Variants in MYO7B observed in about 807,000 individuals in gnomAD.
MYO7B encodes the protein myosin VIIB, also known as unconventional myosin-VIIb.
MYO7B carries 212 observed loss-of-function variants against 259.7 expected under a neutral mutation model. The ratio of observed to expected loss-of-function variants is 0.82; its 90% CI spans 0.73 to 0.91. The LOEUF is 0.91. Ranked by LOEUF, MYO7B falls within the 40% of genes least tolerant of loss-of-function variation. The probability of loss-of-function intolerance (pLI) is 0.00; values close to 1 mark genes in which losing one functional copy is unlikely to be tolerated. For synonymous variants in MYO7B, 1,197 were observed against 1,166.4 expected, an observed-to-expected ratio of 1.03 and a Z score of -0.54; for missense variants, 2,732 against 2,813.5, an observed-to-expected ratio of 0.97 and a Z score of 0.66.
chr2:127,581,354 C>T (rs1260271001), intron 10 of MYO7B, among the ~76,000 whole-genome samples: 1 of 152,202 alleles, frequency 6.6e-6, no homozygotes, highest in Non-Finnish European at 1.5e-5. Context: ...GCAATGGGGA[C>T]ATGGCAGCAC....
chr2:127,573,855 G>A, intron 6 of MYO7B, 65 bp from the exon 7 acceptor site: 1 of 1,595,176 alleles, frequency 6.3e-7, no homozygotes. Flanking sequence ...CCTCTTACAT[G>A]ATCCCACTCA....
intron 30 of MYO7B, 117 bp downstream of exon 30, chr2:127,624,437 T>A: frequency 4.5e-5 from 37 of 825,230 alleles, no homozygotes; most frequent in Non-Finnish European, 6.8e-5. Flanking sequence ...GGAAAGGGGG[T>A]CACAAGGGTG....
chr2:127,622,730 C>A (rs1680901305), intron 28 of MYO7B, among the ~76,000 whole-genome samples: 1 of 152,174 alleles, frequency 6.6e-6, no homozygotes, highest in South Asian at 2.1e-4. Flanking sequence ...ACAGGGGCTC[C>A]CTCCCACGAG....
chr2:127,624,336 G>T lies in MYO7B; in HGVS notation c.4047+16G>T, dbSNP rs1681000087. On this transcript the variant is annotated intron_variant, in intron 30 of 47. Coordinates refer to ENST00000409816, the MANE Select transcript of MYO7B (RefSeq NM_001393586.1). ...CTTCGAGAAGGTGAGGGGCCTGAGA[G>T]CCAGGTCCACCCTAGGCTTTGCCAT... The T allele has an allele frequency of 6.4e-7, 1 of 1,557,312 alleles. No homozygotes were observed. Among genetic ancestry groups the T allele is most frequent in the African/African-American group, 1.4e-5 (1 of 73,466 alleles).
intron 43 of MYO7B, chr2:127,635,487 C>T (rs1317462403): frequency 1.6e-6 from 1 of 629,270 alleles, no homozygotes; most frequent in African/African-American, 1.8e-5. Flanking sequence ...GGAGCAGTGG[C>T]CGTGGCCTGC....
intron 18 of MYO7B, 48 bp downstream of exon 18, chr2:127,593,692 G>A (rs759096347): frequency 1.9e-6 from 3 of 1,558,464 alleles, no homozygotes; most frequent in Non-Finnish European, 2.7e-6. Flanking sequence ...GCAGCATGTG[G>A]GCTTGTCAGC....
In MYO7B at chr2:127,564,118, G is replaced by A. The variant is rs553559376; in HGVS notation, c.19-35G>A. On this transcript the variant is annotated intron_variant, in intron 2 of 47. Transcript: ENST00000409816. ...TCCAGCAGGGAGGGGAAGAGAGAGC[G>A]GGGATCACACCACTGTCTTCTGTCT... is the stretch of plus-strand genomic sequence containing the variant. The A allele has an allele frequency of 5.5e-5, 77 of 1,400,064 alleles. No homozygotes were observed. The Admixed American group carries it at 6.2e-4, about 11-fold the overall frequency. 86.7% of individuals were successfully genotyped at this position (1,400,064 alleles called of 1,614,324 possible).
chr2:127,564,690 T>C (rs1266467981), intron 3 of MYO7B, among the ~76,000 whole-genome samples: 1 of 152,080 alleles, frequency 6.6e-6, no homozygotes, highest in African/African-American at 2.4e-5. Context: ...GGGCTTACAA[T>C]GGAGTGTCCA....
At chr2:127,605,793 T>C in intron 19 of MYO7B, 51 bp from the exon 20 acceptor site, 1 of 1,560,704 alleles carries the variant, frequency 6.4e-7, no homozygotes, top group Non-Finnish European at 8.8e-7. Flanking sequence ...CCTCAGAAGC[T>C]TTAAACCATC....
chr2:127,595,993 G>A (rs766773464), intron 18 of MYO7B, among the ~76,000 whole-genome samples: 1 of 152,136 alleles, frequency 6.6e-6, no homozygotes, highest in Non-Finnish European at 1.5e-5. Context: ...TTGATCCAGA[G>A]CTGAGTTCTA....
At position 127,586,707 on chromosome 2, in the gene MYO7B, G is replaced by T. The variant is rs1026080351; in HGVS notation, c.1691-1685G>T. ...CTTACATAATGCTAAGATTAAGGTC[G>T]ATTCTTTCTAGACTTTCTGGTTGCA... On this transcript the variant is annotated intron_variant, in intron 14 of 47. Transcript: ENST00000409816. This position sits in a 1 kb window ranked among gnomAD's most constrained non-coding sequence, Gnocchi z 4.8. 6.6e-6 allele frequency among the ~76,000 whole-genome samples: 1 copy of T among 152,164 alleles called. No homozygotes were observed. The highest frequency in any genetic ancestry group is 1.5e-5 in the Non-Finnish European group (1 of 68,018).
chr2:127,570,957 T>C (rs530143969), intron 6 of MYO7B, among the ~76,000 whole-genome samples: 2 of 152,324 alleles, frequency 1.3e-5, no homozygotes, highest in South Asian at 2.1e-4. Flanking sequence ...TAGAATTCCA[T>C]TGCGTGAAGG....
chr2:127,631,860 C>G, intron 38 of MYO7B, 107 bp downstream of exon 38: 3 of 1,393,062 alleles, frequency 2.2e-6, no homozygotes, highest in Non-Finnish European at 1.9e-6. Context: ...GGCGGCAGAA[C>G]CCCTGCCTGG....
Position 127,631,301 on chromosome 2 carries a change from C to T in MYO7B, c.5033C>T (p.Pro1678Leu), listed in dbSNP as rs780265673. 46 of 1,612,256 alleles carry T rather than the reference C, an allele frequency of 2.9e-5. No homozygotes were observed. Among genetic ancestry groups the T allele is most frequent in the Non-Finnish European group, 3.8e-5 (45 of 1,179,456 alleles). The change falls in exon 37 of 48, where the codon CCG becomes CTG. Residue 1678 changes from proline (P) to leucine (L), a missense_variant. By Grantham distance (98) the Pro-to-Leu change is moderately conservative (BLOSUM62 -3). Coordinates refer to ENST00000409816, the MANE Select transcript of MYO7B (RefSeq NM_001393586.1). ...WAYSCEPLRQPLLKRVHANVD... is the reference protein window; with the variant it reads ...WAYSCEPLRQLLLKRVHANVD... The stretch of plus-strand genomic sequence containing the variant: ...TATTCCTGCGAGCCGCTGCGACAGC[C>T]GCTGCTCAAGCGAGTCCACGCCAAC...
chr2:127,595,960 C>A (rs951573112), intron 18 of MYO7B, among the ~76,000 whole-genome samples: 1 of 152,102 alleles, frequency 6.6e-6, no homozygotes, highest in Non-Finnish European at 1.5e-5. Context: ...GTGGAGAGTT[C>A]TGTAGATATC....
chr2:127,538,738 G>A (rs1254650393), intron 1 of MYO7B, among the ~76,000 whole-genome samples: 1 of 151,770 alleles, frequency 6.6e-6, no homozygotes, highest in Non-Finnish European at 1.5e-5. Context: ...GCTAATTTTT[G>A]TATTTTTGTA....
intron 19 of MYO7B, among the ~76,000 whole-genome samples, chr2:127,602,530 T>C (rs116592937): frequency 9.9e-5 from 15 of 152,186 alleles, no homozygotes; most frequent in Non-Finnish European, 1.9e-4. Flanking sequence ...TGCATGCCTC[T>C]AGTCCAGCTA....
chr2:127,579,036 A>G (rs1327488305), intron 9 of MYO7B, among the ~76,000 whole-genome samples: 1 of 152,160 alleles, frequency 6.6e-6, no homozygotes, highest in African/African-American at 2.4e-5. Flanking sequence ...GAAGAACCCA[A>G]TGGATGGTTT....
intron 8 of MYO7B, 123 bp from the exon 9 acceptor site, chr2:127,578,010 G>T: frequency 8.8e-7 from 1 of 1,134,092 alleles, no homozygotes; most frequent in South Asian, 1.6e-5. Context: ...AAGAGTTTTT[G>T]AGCGTGGACC....
Sources: gnomAD v4.1 joint callset for allele counts (sites outside exome capture counted in the v4.1 genomes callset) on GRCh38, gnomAD v4.1.1 for gene constraint, Gnocchi (gnomAD v3.1) non-coding constraint, MANE v1.5 for transcripts, NCBI Gene and HGNC (gene_info 2026-07-23, HGNC 2026-07-21) for gene names.